Variants in PDCD1LG2 observed in about 807,000 individuals in gnomAD.
PDCD1LG2 encodes programmed cell death 1 ligand 2.
PDCD1LG2 carries 32 observed loss-of-function variants against 28.2 expected under a neutral mutation model. The ratio of observed to expected loss-of-function variants is 1.13; its 90% CI spans 0.86 to 1.52. PDCD1LG2 has a LOEUF of 1.52. Ranked by LOEUF, PDCD1LG2 falls within the 40% of genes most tolerant of loss-of-function variation. The pLI, the probability that PDCD1LG2 is intolerant of heterozygous loss-of-function variation, is 0.00. For missense variants in PDCD1LG2, 385 were observed against 323.8 expected, an observed-to-expected ratio of 1.19 and a Z score of -1.45; for synonymous variants, 116 against 120.2, an observed-to-expected ratio of 0.97 and a Z score of 0.23.
At chr9:5,535,102 T>A (rs1156805273) in intron 3 of PDCD1LG2, 52 bp downstream of exon 3, 4 of 1,473,272 alleles carry the variant, frequency 2.7e-6, no homozygotes, top group African/African-American at 1.4e-5. Context: ...CAACAGAGGA[T>A]CTGCAAGTCA....
intron 6 of PDCD1LG2, among the ~76,000 whole-genome samples, chr9:5,566,342 G>A (rs867602285): frequency 2.0e-5 from 3 of 152,192 alleles, no homozygotes; most frequent in East Asian, 1.9e-4. Flanking sequence ...CAGTATTAGC[G>A]CTGTTTCACC....
intron 3 of PDCD1LG2, among the ~76,000 whole-genome samples, chr9:5,540,920 C>G (rs1820675313): frequency 6.6e-6 from 1 of 152,094 alleles, no homozygotes; most frequent in Non-Finnish European, 1.5e-5. Context: ...AAAAAGAAAA[C>G]TACAGGCCAG....
chr9:5,542,654 C>G lies in PDCD1LG2; in HGVS notation c.362-6681C>G, dbSNP rs564604541. ...ACACTGCGATACCACCTTACTCCTG[C>G]AAGAATGGCCATAACAAAAAAATAA... On this transcript the variant is annotated intron_variant, in intron 3 of 6. Coordinates refer to ENST00000397747, the MANE Select transcript of PDCD1LG2 (RefSeq NM_025239.4). 1.1e-4 allele frequency among the ~76,000 whole-genome samples: 16 copies of G among 152,198 alleles called. No homozygotes were observed. The East Asian group carries it at 3.1e-3, about 29-fold the overall frequency.
chr9:5,539,215 G>A (rs1057375843), intron 3 of PDCD1LG2, among the ~76,000 whole-genome samples: 8 of 152,094 alleles, frequency 5.3e-5, no homozygotes, highest in Non-Finnish European at 8.8e-5. Flanking sequence ...CTTAATAGGT[G>A]AGAAGAGCAT....
chr9:5,511,698 G>C (rs1325740906), intron 1 of PDCD1LG2, among the ~76,000 whole-genome samples: 1 of 152,208 alleles, frequency 6.6e-6, no homozygotes, highest in East Asian at 1.9e-4. Context: ...GATTCTGTGA[G>C]TGGATGAACA....
In PDCD1LG2 at chr9:5,557,612, G is replaced by C. The variant is rs186854996; in HGVS notation, c.632-6G>C. 1 of 1,613,772 alleles carries C rather than the reference G, an allele frequency of 6.2e-7. No homozygotes were observed. The highest frequency in any genetic ancestry group is 8.5e-7 in the Non-Finnish European group (1 of 1,179,812). ...AACAGGATTCTGGTGCTTTTCCTTTGCCCAGGTCAGATGGAACCCAGGACC... is the reference window on the plus strand; with the variant it reads ...AACAGGATTCTGGTGCTTTTCCTTTCCCCAGGTCAGATGGAACCCAGGACC... On this transcript the variant is annotated splice_region_variant and splice_polypyrimidine_tract_variant and intron_variant, in intron 4 of 6. Coordinates refer to ENST00000397747, the MANE Select transcript of PDCD1LG2 (RefSeq NM_025239.4).
At chr9:5,555,160 A>T (rs7871511) in intron 4 of PDCD1LG2, among the ~76,000 whole-genome samples, 1 of 152,074 alleles carries the variant, frequency 6.6e-6, no homozygotes, top group Non-Finnish European at 1.5e-5. Context: ...CATGCCTGTA[A>T]TCCTAGCACT....
Position 5,549,515 on chromosome 9 carries a change from G to A in PDCD1LG2, c.542G>A (p.Arg181His), listed in dbSNP as rs759212126. Residue 181 changes from arginine to histidine, a missense_variant, in exon 4 of 7, where the codon CGC (arginine) becomes CAC (histidine). Transcript: ENST00000397747. ...EGLYQVTSVLRLKPPPGRNFS... is the reference protein window; with the variant it reads ...EGLYQVTSVLHLKPPPGRNFS... ...CTCTACCAGGTCACCAGTGTTCTGC[G>A]CCTAAAGCCACCCCCTGGCAGAAAC... 1.4e-5 allele frequency: 23 copies of A among 1,614,020 alleles called. No homozygotes were observed. Among genetic ancestry groups the A allele is most frequent in the South Asian group, 3.3e-5 (3 of 91,082 alleles).
intron 6 of PDCD1LG2, 104 bp downstream of exon 6, chr9:5,563,315 A>G (rs1332921373): frequency 4.1e-6 from 4 of 966,026 alleles, no homozygotes; most frequent in Non-Finnish European, 6.3e-6. Context: ...GCAACTGAAT[A>G]GTTCCAGCTT....
intron 2 of PDCD1LG2, among the ~76,000 whole-genome samples, chr9:5,523,265 G>C (rs956787845): frequency 2.6e-5 from 4 of 152,192 alleles, no homozygotes; most frequent in Non-Finnish European, 5.9e-5. Context: ...CAGACCATTC[G>C]AGGGTGTAGT....
At chr9:5,549,662 G>A (rs1563830759) in intron 4 of PDCD1LG2, 58 bp downstream of exon 4, 1 of 1,589,418 alleles carries the variant, frequency 6.3e-7, no homozygotes, top group Non-Finnish European at 8.6e-7. Flanking sequence ...AGAAACAGAT[G>A]GCATACTCGA....
In PDCD1LG2 at chr9:5,538,501, T is replaced by A. The variant is rs372161057; in HGVS notation, c.361+3451T>A. On this transcript the variant is annotated intron_variant, in intron 3 of 6. Transcript: ENST00000397747. ...GAGATCGAGACCATCCTGGCTAACATGGTGAAACCCTGTCTCTACTAAAAA... is the reference window on the plus strand; with the variant it reads ...GAGATCGAGACCATCCTGGCTAACAAGGTGAAACCCTGTCTCTACTAAAAA... Among the ~76,000 whole-genome samples, 52 of 151,864 alleles carry A rather than the reference T, an allele frequency of 3.4e-4. No homozygotes were observed. In the East Asian group the frequency reaches 8.3e-3, roughly 24 times the overall value.
At chr9:5,514,929 T>C (rs1820128589) in intron 1 of PDCD1LG2, among the ~76,000 whole-genome samples, 2 of 152,014 alleles carry the variant, frequency 1.3e-5, no homozygotes. Context: ...TAGCCCTGAG[T>C]GAGTCTTAAA....
intron 6 of PDCD1LG2, 115 bp downstream of exon 6, chr9:5,563,326 A>G: frequency 1.1e-6 from 1 of 881,066 alleles, no homozygotes; most frequent in Non-Finnish European, 1.7e-6. Flanking sequence ...GTTCCAGCTT[A>G]TAGAATCTTC....
intron 3 of PDCD1LG2, among the ~76,000 whole-genome samples, chr9:5,548,949 A>T (rs1816266863): frequency 6.6e-6 from 1 of 152,198 alleles, no homozygotes; most frequent in South Asian, 2.1e-4. Flanking sequence ...GAAATAATTT[A>T]TAGCACTGTA....
rs561507956 is a variant in PDCD1LG2 at position 5,557,630 on chromosome 9, C to G, written c.644C>G (p.Pro215Arg). The G allele has an allele frequency of 1.2e-6, 2 of 1,613,888 alleles. No homozygotes were observed. Among genetic ancestry groups the G allele is most frequent in the African/African-American group, 2.7e-5 (2 of 74,896 alleles). Residue 215 changes from proline (P) to arginine (R), a missense_variant, in exon 5 of 7, where the codon CCC (proline) becomes CGC (arginine). By Grantham distance (103) the Pro-to-Arg change is moderately radical (BLOSUM62 -2). Coordinates refer to ENST00000397747, the MANE Select transcript of PDCD1LG2 (RefSeq NM_025239.4). ...TTCCTTTGCCCAGGTCAGATGGAAC[C>G]CAGGACCCATCCAACTTGGCTGCTT... The part of the protein sequence containing the change: ...ASIDLQSQME[P>R]RTHPTWLLHI...
intron 4 of PDCD1LG2, among the ~76,000 whole-genome samples, chr9:5,549,930 C>G (rs1816295994): frequency 6.6e-6 from 1 of 152,166 alleles, no homozygotes; most frequent in African/African-American, 2.4e-5. Flanking sequence ...CCAACTCATT[C>G]TCCTCCCACC....
intron 1 of PDCD1LG2, among the ~76,000 whole-genome samples, chr9:5,511,468 G>A (rs1029871608): frequency 5.3e-5 from 8 of 152,244 alleles, no homozygotes; most frequent in Non-Finnish European, 2.9e-5. Flanking sequence ...ATGGGTTCAT[G>A]TGGAGGGGAT....
At chr9:5,529,682 A>G (rs990881471) in intron 2 of PDCD1LG2, among the ~76,000 whole-genome samples, 2 of 152,082 alleles carry the variant, frequency 1.3e-5, no homozygotes, top group African/African-American at 4.8e-5. Flanking sequence ...CGTACTCCAG[A>G]GGTAGATGAA....
Sources: gnomAD v4.1 joint callset for allele counts (sites outside exome capture counted in the v4.1 genomes callset) on GRCh38, gnomAD v4.1.1 for gene constraint, MANE v1.5 for transcripts, NCBI Gene and HGNC (gene_info 2026-07-23, HGNC 2026-07-21) for gene names.